The following C2orf81 variants were observed in gnomAD, a reference collection of about 807,000 sequenced individuals.
C2orf81 encodes the protein chromosome 2 open reading frame 81.
A neutral mutation model predicts 7.9 loss-of-function variants in C2orf81; 5 were observed. The observed-to-expected ratio is 0.63, with a 90% CI of 0.33 to 1.33. C2orf81 has a LOEUF of 1.33. Ranked by LOEUF, C2orf81 falls within the 40% of genes most tolerant of loss-of-function variation. The pLI is 0.05. For synonymous variants in C2orf81, 346 were observed against 367.4 expected, an observed-to-expected ratio of 0.94 and a Z score of 0.66; for missense variants, 781 against 830.4, an observed-to-expected ratio of 0.94 and a Z score of 0.73.
rs1185308447 is a variant in C2orf81, at chr2:74,415,639, A to T, written c.538T>A (p.Cys180Ser). Residue 180 changes from cysteine to serine, a missense_variant, in exon 3 of 3, where the codon TGC (cysteine) becomes AGC (serine). Coordinates refer to ENST00000684111, the MANE Select transcript of C2orf81 (RefSeq NM_001316764.3). The surrounding 1 kb of genome is among the most constrained non-coding windows in gnomAD (Gnocchi z 5.5). ...APALPFPTSH[C>S]PSAFPQDPGG... ...GGGTCCTGGGGAAATGCACTCGGGC[A>T]GTGAGATGTCGGAAAGGGGAGAGCA... 1 of 1,551,054 alleles carries T rather than the reference A, an allele frequency of 6.4e-7. No homozygotes were observed. The highest frequency in any genetic ancestry group is 2.4e-5 in the East Asian group (1 of 40,932).
intron 1 of C2orf81, among the ~76,000 whole-genome samples, chr2:74,421,245 T>A (rs966553042): frequency 6.6e-6 from 1 of 152,232 alleles, no homozygotes; most frequent in African/African-American, 2.4e-5. Flanking sequence ...CACCACCATG[T>A]AAGAGACTTA....
chr2:74,414,803 A>G lies in C2orf81; in HGVS notation c.1374T>C (p.Asn458=), dbSNP rs1408276950. 3 of 1,551,564 alleles carry G rather than the reference A, an allele frequency of 1.9e-6. No homozygotes were observed. The highest frequency in any genetic ancestry group is 2.6e-6 in the Non-Finnish European group (3 of 1,146,896). The change falls in exon 3 of 3, where the codon AAT becomes AAC. Residue 458 remains asparagine, a synonymous_variant. Transcript: ENST00000684111. This position sits in a 1 kb window ranked among gnomAD's most constrained non-coding sequence, Gnocchi z 5.3. ...SGPALLFPTL[N]LGLSSPSLES... ...CGAGGGATGGCGACGATAGGCCTAA[A>G]TTTAAAGTGGGGAACAGGAGTGCGG...
rs1451518699 is a variant in C2orf81 at position 74,415,730 on chromosome 2, G to T, written c.447C>A (p.Gly149=). 3 of 1,551,478 alleles carry T rather than the reference G, an allele frequency of 1.9e-6. No homozygotes were observed. Among genetic ancestry groups the T allele is most frequent in the Non-Finnish European group, 2.6e-6 (3 of 1,147,026 alleles). Residue 149 remains glycine (G), a synonymous_variant, in exon 3 of 3, where the codon GGC becomes GGA. Coordinates refer to ENST00000684111, the MANE Select transcript of C2orf81 (RefSeq NM_001316764.3). The surrounding 1 kb of genome is among the most constrained non-coding windows in gnomAD (Gnocchi z 5.5). ...VPVLHASTSE[G]LENFQGEVHS... is the part of the protein sequence containing the mutation. ...GTACTTCGCCTTGGAAGTTCTCCAG[G>T]CCCTCCGAGGTGGACGCGTGCAGCA...
In C2orf81 at chr2:74,415,943, A is replaced by G. The variant is rs1353869475; in HGVS notation, c.250-16T>C. On this transcript the variant is annotated splice_polypyrimidine_tract_variant and intron_variant, in intron 2 of 2. Transcript: ENST00000684111. The surrounding 1 kb of genome is among the most constrained non-coding windows in gnomAD (Gnocchi z 5.5). ...ATGGAATGCACTGCGGAGGCGAGAG[A>G]GGATCTCAGGTCGGCAGGGAGGGGC... is the stretch of plus-strand genomic sequence containing the variant. 6.5e-7 allele frequency: 1 copy of G among 1,546,410 alleles called. No homozygotes were observed. The highest frequency in any genetic ancestry group is 1.2e-5 in the South Asian group (1 of 83,868).
intron 1 of C2orf81, chr2:74,418,012 A>C: frequency 2.2e-6 from 1 of 462,564 alleles, no homozygotes. Flanking sequence ...TGCAGGTGGA[A>C]GATGAGGGTG....
chr2:74,418,084 T>C, intron 1 of C2orf81: 1 of 577,090 alleles, frequency 1.7e-6, no homozygotes, highest in South Asian at 1.6e-5. Flanking sequence ...AGGTGGGGGG[T>C]TGGGAGCAGA....
At position 74,414,688 on chromosome 2, in the gene C2orf81, G is replaced by A. The variant is rs1676390199; in HGVS notation, c.1489C>T (p.Leu497=). The A allele has an allele frequency of 1.3e-6, 2 of 1,544,962 alleles. No homozygotes were observed. Among genetic ancestry groups the A allele is most frequent in the South Asian group, 1.2e-5 (1 of 83,302 alleles). ...CTGGGCCACCTGACACTGGGCCACA[G>A]CTTGGGGCTGCGGCTGCGGGCCACA... The part of the protein sequence containing the change: ...PDVARSRSPK[L]WPSVRWPSGW... Residue 497 remains leucine (L), a synonymous_variant, in exon 3 of 3, where the codon CTG becomes TTG. Coordinates refer to ENST00000684111, the MANE Select transcript of C2orf81 (RefSeq NM_001316764.3). The surrounding 1 kb of genome is among the most constrained non-coding windows in gnomAD (Gnocchi z 5.3).
rs557434668 is a variant in C2orf81, at chr2:74,415,370, G to T, written c.807C>A (p.Ala269=). 2.0e-6 allele frequency: 3 copies of T among 1,517,012 alleles called. No homozygotes were observed. The highest frequency in any genetic ancestry group is 2.5e-5 in the East Asian group (1 of 40,390). 94.0% of individuals were successfully genotyped at this position (1,517,012 alleles called of 1,614,324 possible). ...SFQLSVEEAP[A]DDADPSLDPY... is the part of the protein sequence containing the mutation. Reference sequence around the variant, plus strand: ...GATCCAGAGAAGGGTCGGCATCGTCGGCAGGCGCCTCCTCCACCGACAGTT... The same window carrying T: ...GATCCAGAGAAGGGTCGGCATCGTCTGCAGGCGCCTCCTCCACCGACAGTT... The change falls in exon 3 of 3, where the codon GCC becomes GCA. Residue 269 remains alanine (A), a synonymous_variant. Transcript: ENST00000684111. The surrounding 1 kb of genome is among the most constrained non-coding windows in gnomAD (Gnocchi z 5.5).
chr2:74,420,769 CTTCTTT>C (rs1157880766), intron 1 of C2orf81, among the ~76,000 whole-genome samples: 1 of 118,718 alleles, frequency 8.4e-6, no homozygotes, highest in Non-Finnish European at 1.6e-5. Context: ...CTTTCTTCTT[CTTCTTT>C]TTTTTTTTTT....
intron 1 of C2orf81, 49 bp from the exon 2 acceptor site, chr2:74,416,290 C>T (rs1558528644): frequency 8.0e-7 from 1 of 1,256,330 alleles, no homozygotes; most frequent in African/African-American, 1.5e-5. Flanking sequence ...AGAAGTGGAA[C>T]GGAAGAGTAG....
intron 1 of C2orf81, among the ~76,000 whole-genome samples, chr2:74,418,897 A>G (rs78207367): frequency 6.6e-6 from 1 of 152,162 alleles, no homozygotes; most frequent in Non-Finnish European, 1.5e-5. Flanking sequence ...AAAAAAAAAA[A>G]TGGCCGGGCG....
chr2:74,414,791 C>G lies in C2orf81; in HGVS notation c.1386G>C (p.Ser462=). The G allele has an allele frequency of 6.4e-7, 1 of 1,551,470 alleles. No individual in the cohort carries two copies. Among genetic ancestry groups the G allele is most frequent in the South Asian group, 1.2e-5 (1 of 84,050 alleles). ...LLFPTLNLGL[S]SPSLESKLPL... is the part of the protein sequence containing the mutation. ...GCAGCTTTGACTCGAGGGATGGCGA[C>G]GATAGGCCTAAATTTAAAGTGGGGA... Residue 462 remains serine (S), a synonymous_variant, in exon 3 of 3, where the codon TCG becomes TCC. Transcript: ENST00000684111. The surrounding 1 kb of genome is among the most constrained non-coding windows in gnomAD (Gnocchi z 5.3).
chr2:74,421,483 G>A (rs1372102849), intron 1 of C2orf81, 60 bp downstream of exon 1: 11 of 349,292 alleles, frequency 3.1e-5, no homozygotes, highest in Non-Finnish European at 5.7e-5. Context: ...CACTGTTCCC[G>A]ACACCGACCT....
Position 74,416,050 on chromosome 2 carries a change from T to G in C2orf81, c.210A>C (p.Arg70=). ...AGACTTTGAAAGCAGAGTCCATGAC[T>G]CGAGCCAGCAAGTCGGCCAAGATGT... ...VGDILADLLA[R]VMDSAFKVYL... The change falls in exon 2 of 3, where the codon CGA becomes CGC. Residue 70 remains arginine (R), a synonymous_variant. Coordinates refer to ENST00000684111, the MANE Select transcript of C2orf81 (RefSeq NM_001316764.3). The G allele has an allele frequency of 6.5e-7, 1 of 1,549,802 alleles. No individual in the cohort carries two copies. The highest frequency in any genetic ancestry group is 2.0e-5 in the Admixed American group (1 of 50,986).
chr2:74,415,937 C>A lies in C2orf81; in HGVS notation c.250-10G>T. 6.5e-7 allele frequency: 1 copy of A among 1,546,366 alleles called. No individual in the cohort carries two copies. Among genetic ancestry groups the A allele is most frequent in the Admixed American group, 2.0e-5 (1 of 50,902 alleles). On this transcript the variant is annotated splice_polypyrimidine_tract_variant and intron_variant, in intron 2 of 2. Coordinates refer to ENST00000684111, the MANE Select transcript of C2orf81 (RefSeq NM_001316764.3). This position sits in a 1 kb window ranked among gnomAD's most constrained non-coding sequence, Gnocchi z 5.5. ...TGGTGAATGGAATGCACTGCGGAGG[C>A]GAGAGAGGATCTCAGGTCGGCAGGG...
chr2:74,417,403 C>G, intron 1 of C2orf81: 2 of 1,309,450 alleles, frequency 1.5e-6, no homozygotes, highest in Non-Finnish European at 2.0e-6. Flanking sequence ...GTGACTGCAT[C>G]TCCATCACTG....
chr2:74,417,755 G>A (rs1676506484), intron 1 of C2orf81: 2 of 519,372 alleles, frequency 3.9e-6, no homozygotes, highest in African/African-American at 2.0e-5. Context: ...CAACAGTGGA[G>A]GAGCAGAGAA....
rs1676463598 is a variant in C2orf81 at position 74,416,205 on chromosome 2, G to T, written c.55C>A (p.Arg19=). The T allele has an allele frequency of 1.4e-6, 2 of 1,419,664 alleles. No homozygotes were observed. The highest frequency in any genetic ancestry group is 1.9e-6 in the Non-Finnish European group (2 of 1,066,468). 87.9% of individuals were successfully genotyped at this position (1,419,664 alleles called of 1,614,324 possible). The change falls in exon 2 of 3, where the codon CGG becomes AGG. Residue 19 remains arginine, a synonymous_variant. Coordinates refer to ENST00000684111, the MANE Select transcript of C2orf81 (RefSeq NM_001316764.3). The part of the protein sequence containing the change: ...ERQVRDRGVT[R]SKAEKVRPPT... ...GGCCGCACTTTTTCCGCCTTGGACCGGGTCACCCCGCGGTCTCGGACCTGC... is the reference window on the plus strand; with the variant it reads ...GGCCGCACTTTTTCCGCCTTGGACCTGGTCACCCCGCGGTCTCGGACCTGC...
chr2:74,418,974 A>G (rs1676536343), intron 1 of C2orf81, among the ~76,000 whole-genome samples: 1 of 152,056 alleles, frequency 6.6e-6, no homozygotes, highest in Admixed American at 6.6e-5. Flanking sequence ...TGAGGTCAGG[A>G]GTTCGAGACC....
Sources: allele counts gnomAD v4.1 joint callset (sites outside exome capture counted in the v4.1 genomes callset), GRCh38; gene constraint gnomAD v4.1.1; non-coding constraint Gnocchi (gnomAD v3.1); transcripts MANE v1.5; gene names NCBI Gene and HGNC (gene_info 2026-07-23, HGNC 2026-07-21).